The following WDR27 variants were observed in gnomAD, a reference collection of about 807,000 sequenced individuals.
The protein encoded by WDR27 is WD repeat domain 27.
Under a neutral mutation model 114.4 loss-of-function variants are expected in WDR27, and 100 were observed. That is an observed-to-expected ratio of 0.87 (90% CI 0.74 to 1.03). WDR27 has a LOEUF of 1.03. WDR27 is among the 50% of genes least tolerant of loss of function. The pLI, the probability that WDR27 is intolerant of heterozygous loss-of-function variation, is 0.00. For missense variants in WDR27, 1,129 were observed against 1,092.9 expected (o/e 1.03, Z -0.47); for synonymous variants, 449 against 423.1 (o/e 1.06, Z -0.75).
chr6:169,574,134 AC>A (rs1303643612), intron 24 of WDR27, among the ~76,000 whole-genome samples: 1 of 152,264 alleles, frequency 6.6e-6, no homozygotes, highest in Non-Finnish European at 1.5e-5. Context: ...CTGGCAGGAC[AC>A]CCAGGTGTGC....
Position 169,672,323 on chromosome 6 carries a change from A to T in WDR27, c.263T>A (p.Ile88Asn), listed in dbSNP as rs762637377. ...AACATAATCCAGTGATGCTGAGCAG[A>T]TTAGAAGTGGGTTCACTTTATTTCC... ...AFGNKVNPLL[I>N]CSASLDYVIM... is the part of the protein sequence containing the mutation. The change falls in exon 3 of 26, where the codon ATC becomes AAC. Residue 88 changes from isoleucine (I) to asparagine (N), a missense_variant. By Grantham distance (149) the Ile-to-Asn change is moderately radical. Transcript: ENST00000448612. 1.9e-6 allele frequency: 3 copies of T among 1,613,688 alleles called. No homozygotes were observed. Among genetic ancestry groups the T allele is most frequent in the Non-Finnish European group, 2.5e-6 (3 of 1,179,682 alleles).
intron 1 of WDR27, among the ~76,000 whole-genome samples, chr6:169,697,329 C>A (rs377288994): frequency 2.0e-5 from 3 of 152,116 alleles, no homozygotes; most frequent in African/African-American, 7.2e-5. Flanking sequence ...CTAGCGGTAA[C>A]GCCAGCATCT....
At position 169,519,529 on chromosome 6, in the gene WDR27, A is replaced by G. The variant is rs1297811659; in HGVS notation, c.2645+52890T>C. ...GGTACAAGAGAGAATGGGGGGTGGG[A>G]AGGTGCCATATACTTAAACAACCAG... On this transcript the variant is annotated intron_variant, in intron 25 of 25. Coordinates refer to ENST00000448612, the MANE Select transcript of WDR27 (RefSeq NM_182552.5). Among the ~76,000 whole-genome samples, 3 of 151,968 alleles carry G rather than the reference A, an allele frequency of 2.0e-5. No individual in the cohort carries two copies. In the East Asian group the frequency reaches 5.8e-4, roughly 29 times the overall value.
At chr6:169,483,518 A>G (rs1346839114) in intron 25 of WDR27, among the ~76,000 whole-genome samples, 2 of 152,226 alleles carry the variant, frequency 1.3e-5, no homozygotes, top group Admixed American at 1.3e-4. Flanking sequence ...TTGGTAATAA[A>G]TAGCCAGCCA....
At chr6:169,613,710 C>A in intron 21 of WDR27, 54 bp from the exon 22 acceptor site, 1 of 1,457,602 alleles carries the variant, frequency 6.9e-7, no homozygotes, top group Non-Finnish European at 9.5e-7. Flanking sequence ...AGTTAATAAG[C>A]GTTATGCTAA....
chr6:169,657,324 C>T (rs1824499195), intron 13 of WDR27, among the ~76,000 whole-genome samples: 1 of 152,200 alleles, frequency 6.6e-6, no homozygotes, highest in Non-Finnish European at 1.5e-5. Context: ...CAGAAGTCCC[C>T]GAAGTCAAGC....
At position 169,602,290 on chromosome 6, in the gene WDR27, G is replaced by C. The variant is rs767367690; in HGVS notation, c.2353C>G (p.Arg785Gly). The C allele has an allele frequency of 1.3e-6, 2 of 1,563,920 alleles. No individual in the cohort carries two copies. Among genetic ancestry groups the C allele is most frequent in the South Asian group, 2.4e-5 (2 of 84,638 alleles). The change falls in exon 23 of 26, where the codon CGC becomes GGC. Residue 785 changes from arginine (R) to glycine (G), a missense_variant. Arg to Gly is a moderately radical substitution (Grantham distance 125, BLOSUM62 -2). Transcript: ENST00000448612. ...CERHFEGHPT[R>G]GYPCGIAFSP... is the part of the protein sequence containing the mutation. ...AAAGCGATTCCACATGGATAGCCGC[G>C]GGTTGGATGCCCTTCAAAGTGGCGC...
intron 25 of WDR27, among the ~76,000 whole-genome samples, chr6:169,495,891 G>GA (rs549075143): frequency 0.016 from 2,442 of 149,630 alleles, 62 homozygotes; most frequent in African/African-American, 0.057. Flanking sequence ...AAAACTGGGG[G>GA]AAAAAAAAAC....
At chr6:169,570,230 C>T (rs960769652) in intron 25 of WDR27, among the ~76,000 whole-genome samples, 4 of 152,122 alleles carry the variant, frequency 2.6e-5, no homozygotes, top group Non-Finnish European at 5.9e-5. Flanking sequence ...GTTTAGTCAA[C>T]GAGAAAGACC....
At chr6:169,655,533 G>C (rs965107306) in intron 13 of WDR27, among the ~76,000 whole-genome samples, 2 of 152,224 alleles carry the variant, frequency 1.3e-5, no homozygotes, top group Admixed American at 6.5e-5. Flanking sequence ...AAGTGAAAAA[G>C]ACAAATCAGA....
At chr6:169,444,671 T>C in the WDR27 span, among the ~76,000 whole-genome samples, 23 of 140,182 alleles carry the variant, frequency 1.6e-4, no homozygotes, top group Admixed American at 1.2e-3. Context: ...GTTTTTTTGT[T>C]TTTTTTTTTT....
chr6:169,502,220 G>A (rs1044716592), intron 25 of WDR27, among the ~76,000 whole-genome samples: 4 of 152,194 alleles, frequency 2.6e-5, no homozygotes, highest in African/African-American at 9.7e-5. Flanking sequence ...CTGGCGGGAC[G>A]ACCGCGGCCT....
At chr6:169,680,213 G>A (rs1781139967) in intron 2 of WDR27, among the ~76,000 whole-genome samples, 1 of 152,186 alleles carries the variant, frequency 6.6e-6, no homozygotes, top group Non-Finnish European at 1.5e-5. Context: ...ACAAAGGAAT[G>A]AAGAGCACCA....
chr6:169,452,948 C>A (rs772856453), downstream of WDR27, among the ~76,000 whole-genome samples: 4 of 152,228 alleles, frequency 2.6e-5, no homozygotes, highest in Non-Finnish European at 5.9e-5. Flanking sequence ...GCTGTGACCT[C>A]AGCTGCCGTG....
the WDR27 span, among the ~76,000 whole-genome samples, chr6:169,436,345 G>C: frequency 2.6e-5 from 4 of 152,052 alleles, no homozygotes; most frequent in African/African-American, 9.7e-5. Flanking sequence ...ATGTTTTAAG[G>C]TCATAAAACT....
intron 17 of WDR27, among the ~76,000 whole-genome samples, chr6:169,639,581 A>G (rs761476690): frequency 9.9e-5 from 15 of 152,156 alleles, no homozygotes; most frequent in Non-Finnish European, 1.6e-4. Context: ...CTGATTTCTG[A>G]GAGCGCCAAT....
Position 169,602,296 on chromosome 6 carries a change from G to C in WDR27, c.2347C>G (p.Pro783Ala). 1 of 1,561,604 alleles carries C rather than the reference G, an allele frequency of 6.4e-7. No homozygotes were observed. Among genetic ancestry groups the C allele is most frequent in the Non-Finnish European group, 8.7e-7 (1 of 1,151,340 alleles). Residue 783 changes from proline to alanine, a missense_variant, in exon 23 of 26, where the codon CCA becomes GCA. Transcript: ENST00000448612. The stretch of plus-strand genomic sequence containing the variant: ...ATTCCACATGGATAGCCGCGGGTTG[G>C]ATGCCCTTCAAAGTGGCGCTCACAC... ...LRCERHFEGH[P>A]TRGYPCGIAF...
chr6:169,664,357 G>A (rs1231120801), intron 7 of WDR27, 71 bp from the exon 8 acceptor site: 2 of 1,606,168 alleles, frequency 1.2e-6, no homozygotes, highest in East Asian at 2.2e-5. Context: ...CAACACCAGA[G>A]GTGGAGCAGG....
intron 13 of WDR27, among the ~76,000 whole-genome samples, chr6:169,654,520 C>A (rs1220855870): frequency 6.6e-6 from 1 of 152,212 alleles, no homozygotes; most frequent in Non-Finnish European, 1.5e-5. Context: ...TCATAAGACA[C>A]CTCTGTATCG....
Sources: gnomAD v4.1 joint callset for allele counts (sites outside exome capture counted in the v4.1 genomes callset) on GRCh38, gnomAD v4.1.1 for gene constraint, MANE v1.5 for transcripts, NCBI Gene and HGNC (gene_info 2026-07-23, HGNC 2026-07-21) for gene names.